Variants in STAM observed in about 807,000 individuals in gnomAD.
The protein encoded by STAM is signal transducing adaptor molecule, also known as signal transducing adapter molecule 1.
A neutral mutation model predicts 63.4 loss-of-function variants in STAM; 16 were observed. The ratio of observed to expected loss-of-function variants is 0.25; its 90% CI spans 0.17 to 0.38. The LOEUF (loss-of-function observed/expected upper bound fraction) is 0.38, where lower values mean the gene tolerates loss of function less well. STAM is among the 10% of genes least tolerant of loss of function. STAM has a pLI of 1.00. For missense variants in STAM, 636 were observed against 657.1 expected (o/e 0.97, Z 0.35); for synonymous variants, 238 against 223.9 (o/e 1.06, Z -0.56).
At chr10:17,706,299 T>G (rs539862696) in intron 12 of STAM, among the ~76,000 whole-genome samples, 1 of 151,444 alleles carries the variant, frequency 6.6e-6, no homozygotes, top group South Asian at 2.1e-4. Context: ...CCATCACACT[T>G]TTGAAAAAAA....
At chr10:17,689,536 T>C (rs887846542) in intron 5 of STAM, among the ~76,000 whole-genome samples, 7 of 152,276 alleles carry the variant, frequency 4.6e-5, no homozygotes, top group Admixed American at 6.5e-5. Context: ...AATTCATTCA[T>C]TCATAACTGA....
Position 17,708,936 on chromosome 10 carries a change from A to C in STAM, c.1370A>C (p.Gln457Pro). 1 of 1,613,838 alleles carries C rather than the reference A, an allele frequency of 6.2e-7. No homozygotes were observed. The highest frequency in any genetic ancestry group is 8.5e-7 in the Non-Finnish European group (1 of 1,179,784). The change falls in exon 13 of 14, where the codon CAG becomes CCG. Residue 457 changes from glutamine to proline, a missense_variant. Gln to Pro is a moderately conservative substitution (Grantham distance 76, BLOSUM62 -1). Coordinates refer to ENST00000377524, the MANE Select transcript of STAM (RefSeq NM_003473.4). ...CCAGCCCTTCCTAGTCAGCAGACTC[A>C]GGCCGCTTACCCAAAGTAATTTTAC... ...ANPALPSQQTQAAYPNTMVSS... is the reference protein window; with the variant it reads ...ANPALPSQQTPAAYPNTMVSS...
In STAM at chr10:17,660,536, A is replaced by C; in HGVS notation, c.113A>C (p.Gln38Pro). 1 of 1,599,416 alleles carries C rather than the reference A, an allele frequency of 6.3e-7. No individual in the cohort carries two copies. Among genetic ancestry groups the C allele is most frequent in the South Asian group, 1.1e-5 (1 of 89,118 alleles). ...TTGGATATCTGTGATAAAGTTGGTCAGTCTCGCACTGGGTAAGTATTTAGC... is the reference window on the plus strand; with the variant it reads ...TTGGATATCTGTGATAAAGTTGGTCCGTCTCGCACTGGGTAAGTATTTAGC... ...LILDICDKVG[Q>P]SRTGPKDCLR... is the part of the protein sequence containing the mutation. Residue 38 changes from glutamine (Q) to proline (P), a missense_variant, in exon 2 of 14, where the codon CAG becomes CCG. Physicochemically the swap from Gln to Pro is moderately conservative, Grantham distance 76 (BLOSUM62 -1). Coordinates refer to ENST00000377524, the MANE Select transcript of STAM (RefSeq NM_003473.4).
In STAM at chr10:17,693,299, A is replaced by T. The variant is rs782506890; in HGVS notation, c.522A>T (p.Glu174Asp). 20 of 1,611,084 alleles carry T rather than the reference A, an allele frequency of 1.2e-5. 1 individual carries two copies. The highest frequency in any genetic ancestry group is 8.3e-5 in the Admixed American group (5 of 59,964). Residue 174 changes from glutamate (E) to aspartate (D), a missense_variant, in exon 6 of 14, where the codon GAA (glutamate) becomes GAT (aspartate). This residue lies in a region of STAM where 532 missense variants were observed against 536.9 expected (regional missense o/e 0.99). Transcript: ENST00000377524. ...CTGTGGCTAACAAAAAAGAAGAAGAAGATTTAGCAAAAGGTGCGTTTTTAA... is the reference window on the plus strand; with the variant it reads ...CTGTGGCTAACAAAAAAGAAGAAGATGATTTAGCAAAAGGTGCGTTTTTAA... ...PGTVANKKEE[E>D]DLAKAIELSL...
At chr10:17,696,153 C>T (rs2131661593) in intron 7 of STAM, 1 of 150,970 alleles carries the variant, frequency 6.6e-6, no homozygotes, top group Admixed American at 6.6e-5. Context: ...AACATTCAGA[C>T]ATATTTTAAC....
Position 17,708,292 on chromosome 10 carries a change from G to A in STAM, c.1210-484G>A, listed in dbSNP as rs545391062. Among the ~76,000 whole-genome samples the A allele has an allele frequency of 3.8e-3, 576 of 152,264 alleles. 6 individuals carry two copies. Among genetic ancestry groups the A allele is most frequent in the Non-Finnish European group, 4.0e-3 (273 of 68,020 alleles). On this transcript the variant is annotated intron_variant, in intron 12 of 13. Transcript: ENST00000377524. ...GGTCCACAAAACTTAAAATATTTAC[G>A]TCAGGCCCTTTACAAAAAAGTTTGC... is the stretch of plus-strand genomic sequence containing the variant.
chr10:17,708,456 T>TA (rs1168508758), intron 12 of STAM, among the ~76,000 whole-genome samples: 2 of 152,150 alleles, frequency 1.3e-5, no homozygotes, highest in African/African-American at 4.8e-5. Context: ...TGGGATTCCT[T>TA]AAAAAATACC....
intron 2 of STAM, among the ~76,000 whole-genome samples, chr10:17,664,767 G>C (rs1318083598): frequency 6.6e-6 from 1 of 152,076 alleles, no homozygotes; most frequent in African/African-American, 2.4e-5. Flanking sequence ...TTGTGTTTCA[G>C]GCAACAATCT....
intron 13 of STAM, among the ~76,000 whole-genome samples, chr10:17,714,017 T>C (rs564375093): frequency 1.2e-3 from 183 of 152,314 alleles, no homozygotes; most frequent in Non-Finnish European, 1.7e-3. Flanking sequence ...TGAACATGCT[T>C]GGTGTTTTCT....
At chr10:17,704,354 C>T in intron 9 of STAM, 77 bp from the exon 10 acceptor site, 3 of 1,263,820 alleles carry the variant, frequency 2.4e-6, no homozygotes, top group Non-Finnish European at 3.4e-6. Flanking sequence ...AAAAGTTTGT[C>T]TAGTTGATAA....
intron 1 of STAM, among the ~76,000 whole-genome samples, chr10:17,653,805 T>C (rs571950245): frequency 1.3e-5 from 2 of 152,360 alleles, no homozygotes; most frequent in African/African-American, 4.8e-5. Flanking sequence ...TGAGCATCCA[T>C]ACATTTTGGT....
At chr10:17,711,703 C>T (rs1222242412) in intron 13 of STAM, among the ~76,000 whole-genome samples, 3 of 152,222 alleles carry the variant, frequency 2.0e-5, no homozygotes, top group South Asian at 2.1e-4. Context: ...TGGTATGTAT[C>T]GGCATTCCAG....
intron 2 of STAM, among the ~76,000 whole-genome samples, chr10:17,680,868 C>A (rs2131623704): frequency 6.6e-6 from 1 of 152,324 alleles, no homozygotes; most frequent in South Asian, 2.1e-4. Flanking sequence ...ATTTATGCGT[C>A]TGTGGACACT....
intron 1 of STAM, among the ~76,000 whole-genome samples, chr10:17,655,971 T>G (rs565075132): frequency 3.6e-4 from 55 of 152,310 alleles, no homozygotes; most frequent in Non-Finnish European, 5.6e-4. Context: ...TTAAGTTGCT[T>G]TTTTCTTTTT....
chr10:17,686,807 A>T (rs563052992), intron 4 of STAM, among the ~76,000 whole-genome samples: 3 of 152,218 alleles, frequency 2.0e-5, no homozygotes, highest in Non-Finnish European at 2.9e-5. Context: ...CTTAGAAAGA[A>T]TTTTTTTTCT....
chr10:17,647,035 T>C (rs1341947809), intron 1 of STAM, among the ~76,000 whole-genome samples: 2 of 152,214 alleles, frequency 1.3e-5, no homozygotes, highest in African/African-American at 2.4e-5. Flanking sequence ...GTGATAGCTT[T>C]TCCCTTGGAA....
intron 2 of STAM, among the ~76,000 whole-genome samples, chr10:17,680,758 G>C (rs535364696): frequency 2.0e-5 from 3 of 152,284 alleles, no homozygotes; most frequent in Admixed American, 1.3e-4. Context: ...TACAGCATTT[G>C]TCCTGTTGTG....
chr10:17,705,035 A>G lies in STAM; in HGVS notation c.1055+11A>G, dbSNP rs1298859533. ...GGAAGATATTGATAGGTAAAAGAAC[A>G]TGGGTGCATTTATGTTGTGTACCTT... On this transcript the variant is annotated intron_variant, in intron 11 of 13. Coordinates refer to ENST00000377524, the MANE Select transcript of STAM (RefSeq NM_003473.4). 5 of 1,611,532 alleles carry G rather than the reference A, an allele frequency of 3.1e-6. No homozygotes were observed. The African/African-American group carries it at 5.3e-5, about 17-fold the overall frequency.
intron 4 of STAM, among the ~76,000 whole-genome samples, 182 bp from the exon 5 acceptor site, chr10:17,687,845 A>G (rs1229091221): frequency 6.6e-6 from 1 of 152,248 alleles, no homozygotes; most frequent in African/African-American, 2.4e-5. Context: ...TGAGATATAT[A>G]TGATGGGTTT....
Sources: allele counts gnomAD v4.1 joint callset (sites outside exome capture counted in the v4.1 genomes callset), GRCh38; gene constraint gnomAD v4.1.1; regional missense constraint gnomAD v4.1.1; transcripts MANE v1.5; gene names NCBI Gene and HGNC (gene_info 2026-07-23, HGNC 2026-07-21).